CNRIP1: variants seen among roughly 807,000 people sequenced by gnomAD.
CNRIP1 encodes the protein cannabinoid receptor interacting protein 1.
In CNRIP1, 10 loss-of-function variants were observed where a neutral mutation model predicts 15.2. That is an observed-to-expected ratio of 0.66 (90% CI 0.41 to 1.12). The LOEUF is 1.12. Among genes scored for constraint, CNRIP1 ranks in the 50% most tolerant of loss-of-function variants. The pLI is 0.00. For synonymous variants in CNRIP1, 91 were observed against 83.2 expected, an observed-to-expected ratio of 1.09 and a Z score of -0.51; for missense variants, 211 against 214.7, an observed-to-expected ratio of 0.98 and a Z score of 0.11.
At chr2:68,318,368 C>T (rs2103698799) in intron 1 of CNRIP1, among the ~76,000 whole-genome samples, 1 of 152,284 alleles carries the variant, frequency 6.6e-6, no homozygotes, top group East Asian at 1.9e-4. Context: ...GCAGACTAGA[C>T]TTTGGTAGGT....
intron 1 of CNRIP1, 105 bp downstream of exon 1, chr2:68,319,117 G>A: frequency 1.1e-5 from 13 of 1,214,692 alleles, no homozygotes; most frequent in Non-Finnish European, 1.4e-5. Flanking sequence ...GCTGGGAGCG[G>A]CGCGAGGCCA....
At chr2:68,301,795 G>A (rs957202954) in intron 2 of CNRIP1, among the ~76,000 whole-genome samples, 23 of 150,948 alleles carry the variant, frequency 1.5e-4, no homozygotes, top group African/African-American at 4.4e-4. Context: ...GGGAGGCTGA[G>A]GCAGGAGAAT....
At chr2:68,305,641 AAAG>A (rs1384794806) in intron 2 of CNRIP1, among the ~76,000 whole-genome samples, 3 of 151,638 alleles carry the variant, frequency 2.0e-5, no homozygotes, top group Admixed American at 1.3e-4. Flanking sequence ...TAAAAATACA[AAAG>A]AATTAGCTGG....
At chr2:68,310,968 T>C (rs1672051633) in intron 2 of CNRIP1, among the ~76,000 whole-genome samples, 1 of 152,126 alleles carries the variant, frequency 6.6e-6, no homozygotes, top group South Asian at 2.1e-4. Flanking sequence ...AACTTAAGGA[T>C]ACATCAGTAG....
intron 2 of CNRIP1, among the ~76,000 whole-genome samples, chr2:68,312,596 C>T (rs1243988992): frequency 2.6e-5 from 4 of 152,030 alleles, no homozygotes; most frequent in East Asian, 1.9e-4. Flanking sequence ...CAGCATACTG[C>T]GAAGGTCCTA....
chr2:68,315,288 A>T (rs568531349), intron 2 of CNRIP1, among the ~76,000 whole-genome samples: 9 of 152,300 alleles, frequency 5.9e-5, no homozygotes, highest in African/African-American at 2.2e-4. Flanking sequence ...GAAGTATTTC[A>T]GTCAGATTAA....
intron 2 of CNRIP1, among the ~76,000 whole-genome samples, chr2:68,302,880 CCTGTCG>C (rs540636503): frequency 1.4e-3 from 204 of 147,800 alleles, no homozygotes; most frequent in African/African-American, 5.0e-3. Context: ...ACGGAGTCTC[CCTGTCG>C]CCCAGGCTGG....
chr2:68,319,233 C>A lies in CNRIP1; in HGVS notation c.168G>T (p.Thr56=), dbSNP rs1292422233. ...CGCCCCGCACTCACTCGACCTGCAGCGTGCTGGGTTTAATCTTCACCTCAA... is the reference window on the plus strand; with the variant it reads ...CGCCCCGCACTCACTCGACCTGCAGAGTGCTGGGTTTAATCTTCACCTCAA... The part of the protein sequence containing the change: ...YKVEVKIKPS[T]LQVENISIGG... The change falls in exon 1 of 3, where the codon ACG becomes ACT. Residue 56 remains threonine, a synonymous_variant. Coordinates refer to ENST00000263655, the MANE Select transcript of CNRIP1 (RefSeq NM_015463.3). 6.5e-7 allele frequency: 1 copy of A among 1,546,408 alleles called. No individual in the cohort carries two copies. The highest frequency in any genetic ancestry group is 8.7e-7 in the Non-Finnish European group (1 of 1,144,874).
intron 2 of CNRIP1, among the ~76,000 whole-genome samples, chr2:68,300,868 T>A (rs1438250400): frequency 1.3e-5 from 2 of 152,194 alleles, no homozygotes; most frequent in Non-Finnish European, 2.9e-5. Flanking sequence ...ATGGACAAGT[T>A]CTTCCTTGAA....
At chr2:68,284,454 A>G in exon 3 of CNRIP1, 1 of 1,540,464 alleles carries the variant, frequency 6.5e-7, no homozygotes. Flanking sequence ...TATGTAAGAG[A>G]GATCTCTTGG....
chr2:68,296,671 C>CT (rs1420221524), intron 2 of CNRIP1, among the ~76,000 whole-genome samples: 1 of 152,080 alleles, frequency 6.6e-6, no homozygotes, highest in African/African-American at 2.4e-5. Context: ...GAGTCTAGCT[C>CT]TGTCGCCCAA....
At chr2:68,305,255 A>T (rs867603321) in intron 2 of CNRIP1, among the ~76,000 whole-genome samples, 1,509 of 52,862 alleles carry the variant, frequency 0.029, 30 homozygotes, top group South Asian at 0.079. Flanking sequence ...AAAAAAAAAA[A>T]AAAAATATAT....
intron 2 of CNRIP1, among the ~76,000 whole-genome samples, chr2:68,298,394 C>T (rs964626055): frequency 6.6e-6 from 1 of 151,938 alleles, no homozygotes; most frequent in East Asian, 1.9e-4. Context: ...TAAAATCATG[C>T]TAGGTAACAG....
intron 2 of CNRIP1, among the ~76,000 whole-genome samples, chr2:68,305,560 C>T (rs1479782771): frequency 6.6e-6 from 1 of 151,662 alleles, no homozygotes; most frequent in Non-Finnish European, 1.5e-5. Context: ...CTTTGGGAGG[C>T]CAAGGCGGGC....
chr2:68,292,056 C>T (rs1244102211), downstream of CNRIP1, among the ~76,000 whole-genome samples: 1 of 151,922 alleles, frequency 6.6e-6, no homozygotes, highest in Non-Finnish European at 1.5e-5. Flanking sequence ...TATTTTAAAT[C>T]TTTTATTCAC....
intron 2 of CNRIP1, among the ~76,000 whole-genome samples, chr2:68,305,268 A>G (rs1446452457): frequency 1.9e-5 from 2 of 103,586 alleles, no homozygotes; most frequent in African/African-American, 7.1e-5. Context: ...AAATATATAT[A>G]TATATATGTG....
chr2:68,312,176 C>A (rs1672119074), intron 2 of CNRIP1, among the ~76,000 whole-genome samples: 1 of 151,918 alleles, frequency 6.6e-6, no homozygotes, highest in Admixed American at 6.6e-5. Flanking sequence ...ATAAGAAAAG[C>A]AAACCATAGA....
intron 2 of CNRIP1, among the ~76,000 whole-genome samples, chr2:68,304,195 C>G (rs1234158831): frequency 6.6e-6 from 1 of 151,336 alleles, no homozygotes; most frequent in Non-Finnish European, 1.5e-5. Flanking sequence ...TCAAGACCAG[C>G]CTGGCCAACA....
intron 2 of CNRIP1, among the ~76,000 whole-genome samples, chr2:68,296,113 C>T (rs1256237476): frequency 6.6e-6 from 1 of 152,086 alleles, no homozygotes; most frequent in Non-Finnish European, 1.5e-5. Context: ...ACTAAAGGTC[C>T]ATCTTTAAGG....
Sources: allele counts gnomAD v4.1 joint callset (sites outside exome capture counted in the v4.1 genomes callset), GRCh38; gene constraint gnomAD v4.1.1; transcripts MANE v1.5; gene names NCBI Gene and HGNC (gene_info 2026-07-23, HGNC 2026-07-21).